ABI2: variants seen among roughly 807,000 people sequenced by gnomAD.
ABI2 encodes abl interactor 2, also known as abelson interactor 2.
A neutral mutation model predicts 59.2 loss-of-function variants in ABI2; 25 were observed. The observed-to-expected ratio is 0.42, with a 90% confidence interval of 0.31 to 0.59. The LOEUF (loss-of-function observed/expected upper bound fraction) is 0.59. Ranked by LOEUF, ABI2 falls within the 20% of genes least tolerant of loss-of-function variation. ABI2 has a pLI of 0.14. For missense variants in ABI2, 545 were observed against 681.8 expected, an observed-to-expected ratio of 0.80 and a Z score of 2.23; for synonymous variants, 213 against 235.5, an observed-to-expected ratio of 0.90 and a Z score of 0.87.
chr2:203,407,044 C>T (rs945430873), intron 9 of ABI2, among the ~76,000 whole-genome samples: 2 of 152,140 alleles, frequency 1.3e-5, no homozygotes, highest in African/African-American at 4.8e-5. Flanking sequence ...ACTAGAATGT[C>T]TGTGAGCCAG....
chr2:203,340,637 T>A (rs923998950), intron 1 of ABI2, among the ~76,000 whole-genome samples: 3 of 152,028 alleles, frequency 2.0e-5, no homozygotes, highest in Non-Finnish European at 4.4e-5. Flanking sequence ...GGATTACAGG[T>A]GTGAGCTACC....
chr2:203,411,146 G>A (rs1035961762), intron 9 of ABI2, 139 bp from the exon 10 acceptor site: 30 of 740,222 alleles, frequency 4.1e-5, no homozygotes, highest in Middle Eastern at 2.5e-4. Context: ...TCCCTCAACA[G>A]GGGATCCTTG....
intron 5 of ABI2, 126 bp downstream of exon 5, chr2:203,391,269 T>C: frequency 1.7e-6 from 1 of 586,056 alleles, no homozygotes; most frequent in Non-Finnish European, 2.8e-6. Context: ...TTGTTGTTTG[T>C]GTGTATAACT....
At chr2:203,411,689 T>A (rs1410711492) in intron 10 of ABI2, among the ~76,000 whole-genome samples, 1 of 152,194 alleles carries the variant, frequency 6.6e-6, no homozygotes, top group African/African-American at 2.4e-5. Flanking sequence ...GTCTAGTTTC[T>A]TATCACTGGA....
chr2:203,426,184 T>G (rs2098421074), intron 11 of ABI2, among the ~76,000 whole-genome samples: 1 of 152,208 alleles, frequency 6.6e-6, no homozygotes, highest in African/African-American at 2.4e-5. Context: ...CTCATTGATT[T>G]ATGTGAGGCA....
At chr2:203,371,163 G>A (rs535409140) in intron 2 of ABI2, among the ~76,000 whole-genome samples, 4 of 152,284 alleles carry the variant, frequency 2.6e-5, no homozygotes, top group African/African-American at 9.6e-5. Flanking sequence ...AAATGAGCTT[G>A]ATTTTATTTG....
chr2:203,330,388 A>G (rs988576635), intron 1 of ABI2, among the ~76,000 whole-genome samples: 7 of 72,598 alleles, frequency 9.6e-5, no homozygotes, highest in African/African-American at 3.4e-4. Context: ...GTGAGACTAC[A>G]TATCAAAAAA....
intron 1 of ABI2, among the ~76,000 whole-genome samples, chr2:203,356,696 A>G (rs2092134685): frequency 1.3e-5 from 2 of 151,994 alleles, no homozygotes; most frequent in Admixed American, 6.6e-5. Flanking sequence ...TGTGGAGATG[A>G]TGTCTCACCA....
At chr2:203,382,287 T>C (rs2096186024) in intron 4 of ABI2, 81 bp downstream of exon 4, 9 of 1,243,842 alleles carry the variant, frequency 7.2e-6, no homozygotes, top group Non-Finnish European at 9.9e-6. Flanking sequence ...GATTGTTAAC[T>C]CTTGGCCTTT....
chr2:203,363,634 T>C (rs1014152754), intron 1 of ABI2, among the ~76,000 whole-genome samples: 9 of 152,224 alleles, frequency 5.9e-5, no homozygotes, highest in Non-Finnish European at 1.0e-4. Flanking sequence ...GAACATGCGA[T>C]CTTTCTGTGC....
chr2:203,371,224 G>T (rs901564643), intron 2 of ABI2, among the ~76,000 whole-genome samples: 2 of 152,154 alleles, frequency 1.3e-5, no homozygotes, highest in African/African-American at 4.8e-5. Flanking sequence ...TGTGTCCACT[G>T]GTCTCAACCC....
intron 9 of ABI2, chr2:203,403,455 T>G (rs1204795867): frequency 1.3e-5 from 2 of 154,756 alleles, no homozygotes; most frequent in African/African-American, 4.8e-5. Flanking sequence ...CTCATTCCAT[T>G]TTTGATAAGC....
chr2:203,361,653 A>G (rs753200532), intron 1 of ABI2, among the ~76,000 whole-genome samples: 23 of 152,228 alleles, frequency 1.5e-4, no homozygotes, highest in Non-Finnish European at 2.1e-4. Context: ...TTGCATGGCA[A>G]TAAAACCAGA....
intron 1 of ABI2, among the ~76,000 whole-genome samples, chr2:203,364,189 G>C (rs992752160): frequency 2.6e-5 from 4 of 151,346 alleles, no homozygotes; most frequent in Non-Finnish European, 5.9e-5. Flanking sequence ...CGCCTCCTGG[G>C]TTCAAGTGAT....
intron 10 of ABI2, among the ~76,000 whole-genome samples, chr2:203,415,092 A>G (rs1323625921): frequency 6.6e-6 from 1 of 152,246 alleles, no homozygotes; most frequent in Non-Finnish European, 1.5e-5. Flanking sequence ...TATCTTACAA[A>G]TGGAAATAGG....
intron 2 of ABI2, among the ~76,000 whole-genome samples, chr2:203,369,386 C>T (rs973007121): frequency 1.3e-5 from 2 of 151,972 alleles, no homozygotes; most frequent in Non-Finnish European, 2.9e-5. Context: ...ATGATGACAA[C>T]AAGCAAATAG....
rs1478221923 is a variant in ABI2 at position 203,408,829 on chromosome 2, CTTTCTT to C, written c.1193-2452_1193-2447del. Among the ~76,000 whole-genome samples the C allele has an allele frequency of 2.9e-4, 20 of 69,258 alleles. 1 individual carries two copies. The highest frequency in any genetic ancestry group is 6.8e-4 in the African/African-American group (18 of 26,592). 45.4% of individuals were successfully genotyped at this position (69,258 alleles called of 152,430 possible). A position where few individuals can be genotyped will look rare whatever the true frequency, so the allele number is the denominator to read the frequency against. On this transcript the variant is annotated intron_variant, in intron 9 of 11. Coordinates refer to ENST00000261018, the MANE Select transcript of ABI2 (RefSeq NM_001375670.1). ...TCTTTTTTGTCTATGCTACCTTCTCCTTTCTTTTTTTTTTTTTTTTGAGACGGAGTC... is the reference window on the plus strand; with the variant it reads ...TCTTTTTTGTCTATGCTACCTTCTCCTTTTTTTTTTTTTTGAGACGGAGTC...
intron 1 of ABI2, among the ~76,000 whole-genome samples, chr2:203,341,349 G>A (rs1179088738): frequency 1.3e-5 from 2 of 152,126 alleles, no homozygotes; most frequent in Admixed American, 6.5e-5. Flanking sequence ...TAGGCACTCC[G>A]TAAATATTCG....
chr2:203,358,694 G>A (rs2092819627), intron 1 of ABI2, among the ~76,000 whole-genome samples: 1 of 152,076 alleles, frequency 6.6e-6, no homozygotes. Context: ...GAAGACAAAA[G>A]CATTCTCTCT....
Sources: gnomAD v4.1 joint callset for allele counts (sites outside exome capture counted in the v4.1 genomes callset) on GRCh38, gnomAD v4.1.1 for gene constraint, MANE v1.5 for transcripts, NCBI Gene and HGNC (gene_info 2026-07-23, HGNC 2026-07-21) for gene names.